Variants in NAV3 observed in about 807,000 individuals in gnomAD.
NAV3 encodes the protein pore membrane and/or filament interacting like protein 1.
NAV3 carries 87 observed loss-of-function variants against 244.7 expected under a neutral mutation model. That is an observed-to-expected ratio of 0.36 (90% CI 0.30 to 0.42). The LOEUF is 0.42. NAV3 is among the 20% of genes least tolerant of loss of function. The pLI is 1.00. For synonymous variants in NAV3, 1,126 were observed against 1,042.2 expected, an observed-to-expected ratio of 1.08 and a Z score of -1.55; for missense variants, 2,663 against 2,893.3, an observed-to-expected ratio of 0.92 and a Z score of 1.83.
chr12:77,894,915 G>T (rs1241986054), intron 1 of NAV3, among the ~76,000 whole-genome samples: 5 of 152,172 alleles, frequency 3.3e-5, no homozygotes, highest in Admixed American at 6.5e-5. Context: ...CACTGTGCTT[G>T]CCAAATACAG....
At chr12:78,154,063 C>T (rs1957179565) in intron 22 of NAV3, among the ~76,000 whole-genome samples, 1 of 145,044 alleles carries the variant, frequency 6.9e-6, no homozygotes. Flanking sequence ...ACATAATATA[C>T]TATATATTTA....
intron 2 of NAV3, among the ~76,000 whole-genome samples, chr12:77,590,806 T>C (rs970563296): frequency 2.6e-5 from 4 of 152,258 alleles, no homozygotes; most frequent in Non-Finnish European, 1.5e-5. Context: ...GGTTGTAGCG[T>C]CCTACAGATC....
chr12:78,185,991 A>G (rs985376136), intron 31 of NAV3, among the ~76,000 whole-genome samples: 1 of 151,888 alleles, frequency 6.6e-6, no homozygotes, highest in African/African-American at 2.4e-5. Flanking sequence ...TGTCTGACAT[A>G]TTCTTTTGGT....
intron 2 of NAV3, among the ~76,000 whole-genome samples, chr12:77,772,423 G>C (rs1870140491): frequency 6.6e-6 from 1 of 151,958 alleles, no homozygotes; most frequent in Non-Finnish European, 1.5e-5. Context: ...CAACTCTACT[G>C]GTCACTTTTT....
chr12:77,874,176 T>C (rs1881503364), intron 1 of NAV3, among the ~76,000 whole-genome samples: 1 of 152,092 alleles, frequency 6.6e-6, no homozygotes, highest in Admixed American at 6.6e-5. Context: ...TGGGGACTGC[T>C]GACCTAGCCA....
At chr12:77,957,877 G>C (rs1891515741) in intron 3 of NAV3, among the ~76,000 whole-genome samples, 1 of 152,136 alleles carries the variant, frequency 6.6e-6, no homozygotes, top group Non-Finnish European at 1.5e-5. Flanking sequence ...TGTTGGCCAG[G>C]CTGGTTTCGA....
At position 77,746,790 on chromosome 12, in the gene NAV3, C is replaced by G. The variant is rs141191879; in HGVS notation, c.72+174524C>G. Among the ~76,000 whole-genome samples the G allele has an allele frequency of 4.6e-5, 7 of 152,262 alleles. No individual in the cohort carries two copies. In the East Asian group the frequency reaches 1.4e-3, roughly 29 times the overall value. ...TCAAAGAAGTAGCCAACTGGGAACT[C>G]TCTTCTTACATATATCATTTCAGCT... On this transcript the variant is annotated intron_variant, in intron 2 of 8. Coordinates refer to the NAV3 transcript ENST00000550042.
chr12:77,849,713 A>G (rs1877208736), intron 1 of NAV3, among the ~76,000 whole-genome samples: 1 of 152,226 alleles, frequency 6.6e-6, no homozygotes, highest in African/African-American at 2.4e-5. Context: ...TTCTGGTCCC[A>G]AGAATTTTAG....
At chr12:77,924,612 T>G (rs1888016323) in intron 1 of NAV3, among the ~76,000 whole-genome samples, 1 of 152,184 alleles carries the variant, frequency 6.6e-6, no homozygotes, top group South Asian at 2.1e-4. Flanking sequence ...TAAAGTATAA[T>G]GTTCCTTGTA....
chr12:78,035,943 A>C (rs1326394683), intron 9 of NAV3, among the ~76,000 whole-genome samples: 2 of 152,150 alleles, frequency 1.3e-5, no homozygotes, highest in African/African-American at 4.8e-5. Context: ...ACAAATCCCA[A>C]CATTCAGAAG....
intron 5 of NAV3, among the ~76,000 whole-genome samples, chr12:77,990,482 G>A (rs891991199): frequency 6.6e-6 from 1 of 152,172 alleles, no homozygotes; most frequent in Non-Finnish European, 1.5e-5. Flanking sequence ...AGGCCTGATG[G>A]TCAGTTTCCT....
At chr12:77,802,479 A>G (rs1871759387) in intron 2 of NAV3, among the ~76,000 whole-genome samples, 1 of 152,222 alleles carries the variant, frequency 6.6e-6, no homozygotes, top group Admixed American at 6.5e-5. Flanking sequence ...TAGGAAGGAA[A>G]GACAGACAAT....
chr12:77,957,639 T>C (rs1186799417), intron 3 of NAV3, among the ~76,000 whole-genome samples: 7 of 152,198 alleles, frequency 4.6e-5, no homozygotes, highest in Admixed American at 4.6e-4. Context: ...TTTAGAATAG[T>C]TTATTCATCA....
intron 2 of NAV3, among the ~76,000 whole-genome samples, chr12:77,775,402 A>G (rs1439714954): frequency 6.6e-6 from 1 of 151,940 alleles, no homozygotes; most frequent in Non-Finnish European, 1.5e-5. Flanking sequence ...TGAAAAAAAA[A>G]AAAAGAAAAA....
intron 2 of NAV3, among the ~76,000 whole-genome samples, chr12:77,659,131 C>T (rs1873291790): frequency 6.6e-6 from 1 of 151,672 alleles, no homozygotes; most frequent in Admixed American, 6.6e-5. Flanking sequence ...AACTAAAGAG[C>T]TTCTGCACAG....
At chr12:77,647,194 G>A (rs561969673) in intron 2 of NAV3, among the ~76,000 whole-genome samples, 1 of 152,196 alleles carries the variant, frequency 6.6e-6, no homozygotes, top group South Asian at 2.1e-4. Context: ...GGATGAATAA[G>A]TTATGACATA....
rs1473280333 is a variant in NAV3 at position 78,122,961 on chromosome 12, A to T, written c.4238+533A>T. On this transcript the variant is annotated intron_variant, in intron 16 of 39. Coordinates refer to ENST00000397909, the MANE Select transcript of NAV3 (RefSeq NM_001024383.2). Reference sequence around the variant, plus strand: ...CAGCCATGAATCATTAGAGAAAATTATAGTGTCAGTGCCATTTTCAATAGA... The same window carrying T: ...CAGCCATGAATCATTAGAGAAAATTTTAGTGTCAGTGCCATTTTCAATAGA... 2.6e-5 allele frequency among the ~76,000 whole-genome samples: 4 copies of T among 152,156 alleles called. No homozygotes were observed. The East Asian group carries it at 7.7e-4, about 29-fold the overall frequency.
chr12:78,116,105 G>C (rs1224225816), intron 12 of NAV3, among the ~76,000 whole-genome samples: 25 of 152,186 alleles, frequency 1.6e-4, no homozygotes, highest in Admixed American at 1.6e-3. Context: ...GACATGGCCA[G>C]ATGTGAATTT....
chr12:78,048,556 C>T (rs1262428081), intron 9 of NAV3, among the ~76,000 whole-genome samples: 1 of 152,198 alleles, frequency 6.6e-6, no homozygotes, highest in Admixed American at 6.5e-5. Context: ...GGCTGCAGAA[C>T]AGCAAAGATT....
Sources: allele counts gnomAD v4.1 joint callset (sites outside exome capture counted in the v4.1 genomes callset), GRCh38; gene constraint gnomAD v4.1.1; transcripts MANE v1.5; gene names NCBI Gene and HGNC (gene_info 2026-07-23, HGNC 2026-07-21).